The following CFAP90 variants were observed in gnomAD, a reference collection of about 807,000 sequenced individuals.
CFAP90 encodes cilia and flagella associated protein 90, also known as cilia- and flagella-associated protein 90.
the CFAP90 span, among the ~76,000 whole-genome samples, chr5:7,846,850 G>A: frequency 6.6e-6 from 1 of 152,140 alleles, no homozygotes; most frequent in Admixed American, 6.5e-5. Flanking sequence ...GGGCTGAAGT[G>A]ATTCTCCTGC....
the CFAP90 span, among the ~76,000 whole-genome samples, chr5:7,833,470 A>G: frequency 6.7e-6 from 1 of 148,452 alleles, no homozygotes; most frequent in Non-Finnish European, 1.5e-5. Context: ...ACACATGCAC[A>G]CACATATACA....
At chr5:7,843,020 T>A in the CFAP90 span, among the ~76,000 whole-genome samples, 1 of 152,214 alleles carries the variant, frequency 6.6e-6, no homozygotes, top group Non-Finnish European at 1.5e-5. Context: ...AATCAACCTA[T>A]GAGTGGGCTA....
At chr5:7,839,141 T>G in the CFAP90 span, among the ~76,000 whole-genome samples, 92 of 152,294 alleles carry the variant, frequency 6.0e-4, no homozygotes, top group African/African-American at 2.1e-3. Flanking sequence ...TCAGATCTCA[T>G]GAGACTCATT....
At chr5:7,839,257 T>C in the CFAP90 span, among the ~76,000 whole-genome samples, 1 of 152,144 alleles carries the variant, frequency 6.6e-6, no homozygotes. Flanking sequence ...CAATTCAATA[T>C]GAGATTTGGG....
the CFAP90 span, among the ~76,000 whole-genome samples, chr5:7,843,609 T>A: frequency 3.1e-3 from 468 of 152,236 alleles, 2 homozygotes; most frequent in Non-Finnish European, 5.8e-3. Context: ...TGGAGTCAAT[T>A]GTTTTTCCTC....
At chr5:7,842,287 G>A in the CFAP90 span, among the ~76,000 whole-genome samples, 1 of 148,288 alleles carries the variant, frequency 6.7e-6, no homozygotes, top group African/African-American at 2.5e-5. Context: ...CCACCATAAG[G>A]TTGGACCAGT....
the CFAP90 span, chr5:7,850,813 CAG>C: frequency 7.4e-6 from 9 of 1,218,354 alleles, no homozygotes; most frequent in Admixed American, 8.7e-5. Flanking sequence ...CCCAGCCGCC[CAG>C]CCGCCCAGCC....
chr5:7,831,994 A>C, the CFAP90 span: 2 of 1,612,438 alleles, frequency 1.2e-6, no homozygotes, highest in Non-Finnish European at 1.7e-6. Context: ...TCCCATAGAC[A>C]GAAGACGTCA....
At chr5:7,836,821 C>T in the CFAP90 span, among the ~76,000 whole-genome samples, 2 of 151,984 alleles carry the variant, frequency 1.3e-5, no homozygotes, top group African/African-American at 4.8e-5. Flanking sequence ...GATAAGCGAA[C>T]TTTAGAGACC....
chr5:7,840,166 C>T, the CFAP90 span, among the ~76,000 whole-genome samples: 1 of 152,258 alleles, frequency 6.6e-6, no homozygotes, highest in African/African-American at 2.4e-5. Flanking sequence ...CCATTTTTCA[C>T]CTTGTGATCT....
chr5:7,845,827 G>A, the CFAP90 span, among the ~76,000 whole-genome samples: 1 of 151,970 alleles, frequency 6.6e-6, no homozygotes, highest in Non-Finnish European at 1.5e-5. Flanking sequence ...TTACAATTCA[G>A]AGGCATTACT....
At chr5:7,835,322 T>G in the CFAP90 span, 1 of 890,454 alleles carries the variant, frequency 1.1e-6, no homozygotes, top group Non-Finnish European at 1.8e-6. Context: ...AAACTAGATA[T>G]GCCTCTATAA....
the CFAP90 span, chr5:7,835,459 G>A: frequency 1.1e-4 from 176 of 1,601,404 alleles, no homozygotes; most frequent in Non-Finnish European, 1.4e-4. Flanking sequence ...TAATCTAGGC[G>A]CCTCTTAAAA....
the CFAP90 span, among the ~76,000 whole-genome samples, chr5:7,850,353 G>GC: frequency 7.2e-6 from 1 of 139,730 alleles, no homozygotes; most frequent in Non-Finnish European, 1.5e-5. Flanking sequence ...GTGAAGCCCT[G>GC]CCCCCAGGGT....
At chr5:7,849,842 G>T in the CFAP90 span, among the ~76,000 whole-genome samples, 1 of 152,090 alleles carries the variant, frequency 6.6e-6, no homozygotes, top group East Asian at 1.9e-4. Flanking sequence ...CCGCGCCCTG[G>T]ACCATCCGGG....
chr5:7,836,149 G>A, the CFAP90 span, among the ~76,000 whole-genome samples: 2 of 152,158 alleles, frequency 1.3e-5, no homozygotes, highest in Non-Finnish European at 2.9e-5. Flanking sequence ...CACCACATGG[G>A]GGTGAGGCTT....
chr5:7,841,287 C>T, the CFAP90 span, among the ~76,000 whole-genome samples: 9 of 152,176 alleles, frequency 5.9e-5, no homozygotes, highest in Non-Finnish European at 1.2e-4. Flanking sequence ...GATACCATCT[C>T]ATTCCAGTCA....
the CFAP90 span, among the ~76,000 whole-genome samples, chr5:7,847,297 G>A: frequency 6.6e-6 from 1 of 152,192 alleles, no homozygotes; most frequent in Non-Finnish European, 1.5e-5. Flanking sequence ...TCTTTTGCGT[G>A]GTACTAAAGG....
the CFAP90 span, among the ~76,000 whole-genome samples, chr5:7,846,278 A>C: frequency 2.6e-5 from 4 of 152,142 alleles, no homozygotes; most frequent in Non-Finnish European, 2.9e-5. Context: ...CAGTACACAC[A>C]CTACTGTGTG....
Sources: allele counts gnomAD v4.1 joint callset (sites outside exome capture counted in the v4.1 genomes callset), GRCh38; gene constraint gnomAD v4.1.1; transcripts MANE v1.5; gene names NCBI Gene and HGNC (gene_info 2026-07-23, HGNC 2026-07-21).